Variants in ARAP1 observed in about 807,000 individuals in gnomAD.
ARAP1 encodes arf-GAP with Rho-GAP domain, ANK repeat and PH domain-containing protein 1.
Under a neutral mutation model 172.2 loss-of-function variants are expected in ARAP1, and 76 were observed. The observed-to-expected ratio is 0.44, with a 90% CI of 0.37 to 0.53. ARAP1 has a LOEUF of 0.53. Ranked by LOEUF, ARAP1 falls within the 20% of genes least tolerant of loss-of-function variation. The pLI, the probability that ARAP1 is intolerant of heterozygous loss-of-function variation, is 0.00. For missense variants in ARAP1, 1,686 were observed against 1,977.5 expected, an observed-to-expected ratio of 0.85 and a Z score of 2.80; for synonymous variants, 804 against 803.3, an observed-to-expected ratio of 1.00 and a Z score of -0.01.
At chr11:72,728,974 G>A (rs1202898173) in intron 2 of ARAP1, among the ~76,000 whole-genome samples, 2 of 152,178 alleles carry the variant, frequency 1.3e-5, no homozygotes, top group African/African-American at 4.8e-5. Context: ...CTGGAAGCAG[G>A]GGTGGAGGGC....
At chr11:72,700,554 G>T (rs991768365) in intron 16 of ARAP1, 7 of 152,298 alleles carry the variant, frequency 4.6e-5, no homozygotes, top group Admixed American at 1.3e-4. Flanking sequence ...CATTCTGCAG[G>T]TATTTGCCAA....
chr11:72,712,096 G>C, intron 7 of ARAP1, 100 bp downstream of exon 7: 2 of 1,440,164 alleles, frequency 1.4e-6, no homozygotes, highest in Non-Finnish European at 1.8e-6. Context: ...AGGCCCTTCT[G>C]GTTTTCAGAT....
chr11:72,696,295 G>C (rs991033986), intron 23 of ARAP1, among the ~76,000 whole-genome samples: 1 of 152,232 alleles, frequency 6.6e-6, no homozygotes, highest in Non-Finnish European at 1.5e-5. Context: ...GCAGAGCTCA[G>C]GCAGTAACAC....
chr11:72,701,754 G>C lies in ARAP1; in HGVS notation c.2197C>G (p.Leu733Val). 1 of 1,613,930 alleles carries C rather than the reference G, an allele frequency of 6.2e-7. No homozygotes were observed. The highest frequency in any genetic ancestry group is 8.5e-7 in the Non-Finnish European group (1 of 1,179,854). The change falls in exon 16 of 35, where the codon CTG becomes GTG. Residue 733 changes from leucine to valine, a missense_variant. This residue lies in a region of ARAP1 where 688 missense variants were observed against 856.9 expected (regional missense o/e 0.80). Coordinates refer to ENST00000393609, the MANE Select transcript of ARAP1 (RefSeq NM_001040118.3). ...EVPRLDSMKP[L>V]EKHYSVVLPT... ...AGGACAACTGAGTAGTGCTTTTCCA[G>C]GGGCTTCATCGAGTCCAGCCGAGGC... is the stretch of plus-strand genomic sequence containing the variant.
intron 3 of ARAP1, among the ~76,000 whole-genome samples, chr11:72,718,548 G>A (rs1171299354): frequency 6.6e-6 from 1 of 151,796 alleles, no homozygotes; most frequent in Non-Finnish European, 1.5e-5. Context: ...TCCTCCTCTA[G>A]GCAACCTCCA....
intron 33 of ARAP1, among the ~76,000 whole-genome samples, chr11:72,686,554 C>G (rs1855694067): frequency 6.6e-6 from 1 of 152,118 alleles, no homozygotes; most frequent in South Asian, 2.1e-4. Flanking sequence ...GAACACAGCT[C>G]CAAGAAAGAA....
chr11:72,692,968 C>T (rs1026717987), intron 29 of ARAP1, 183 bp from the exon 30 acceptor site: 12 of 761,498 alleles, frequency 1.6e-5, no homozygotes, highest in African/African-American at 5.2e-5. Flanking sequence ...AAGGGTGGCC[C>T]GGGAGGCATA....
At chr11:72,714,417 G>T in intron 3 of ARAP1, 96 bp from the exon 4 acceptor site, 3 of 1,271,320 alleles carry the variant, frequency 2.4e-6, no homozygotes, top group Non-Finnish European at 1.1e-6. Flanking sequence ...CAAAACTCAG[G>T]CACTACACAA....
Position 72,697,044 on chromosome 11 carries a change from C to T in ARAP1, c.3105G>A (p.Leu1035=), listed in dbSNP as rs1235355708. The part of the protein sequence containing the change: ...DDVSSALKRF[L]RDLPDGLFTR... ...TGAAGAGCCCATCAGGCAGGTCGCG[C>T]AGGAAGCGCTTGAGCGCCGAGGAAA... Residue 1035 remains leucine, a synonymous_variant, in exon 22 of 35, where the codon CTG becomes CTA. Transcript: ENST00000393609. 1 of 1,610,028 alleles carries T rather than the reference C, an allele frequency of 6.2e-7. No individual in the cohort carries two copies. Among genetic ancestry groups the T allele is most frequent in the African/African-American group, 1.3e-5 (1 of 74,940 alleles).
At chr11:72,702,750 T>C (rs1651596249) in intron 15 of ARAP1, among the ~76,000 whole-genome samples, 155 bp downstream of exon 15, 1 of 151,994 alleles carries the variant, frequency 6.6e-6, no homozygotes, top group Non-Finnish European at 1.5e-5. Flanking sequence ...GTAGTACAAA[T>C]ACACACTGAC....
rs1045487344 is a variant in ARAP1 at position 72,726,204 on chromosome 11, G to A, written c.509+416C>T. Among the ~76,000 whole-genome samples, 1 of 151,242 alleles carries A rather than the reference G, an allele frequency of 6.6e-6. No individual in the cohort carries two copies. Among genetic ancestry groups the A allele is most frequent in the Non-Finnish European group, 1.5e-5 (1 of 67,826 alleles). On this transcript the variant is annotated intron_variant, in intron 3 of 34. Coordinates refer to ENST00000393609, the MANE Select transcript of ARAP1 (RefSeq NM_001040118.3). The surrounding 1 kb of genome is among the most constrained non-coding windows in gnomAD (Gnocchi z 6.5). ...GTCCCCTCACCCCCAACCCTACCCC[G>A]CAGCTTTCCGTTTCCTACACATGTT... is the stretch of plus-strand genomic sequence containing the variant.
At chr11:72,701,506 CT>C in intron 16 of ARAP1, 142 bp downstream of exon 16, 2 of 1,189,440 alleles carry the variant, frequency 1.7e-6, no homozygotes, top group Non-Finnish European at 2.3e-6. Flanking sequence ...TAGGAAGTAC[CT>C]ACTGTGTACC....
In ARAP1 at chr11:72,707,184, G is replaced by A. The variant is rs754757435; in HGVS notation, c.1714C>T (p.Arg572Cys). The change falls in exon 12 of 35, where the codon CGC becomes TGC. Residue 572 changes from arginine to cysteine, a missense_variant. Physicochemically the swap from Arg to Cys is radical, Grantham distance 180. Coordinates refer to ENST00000393609, the MANE Select transcript of ARAP1 (RefSeq NM_001040118.3). ...ACCCCCATGCACACACCTGCACAGC[G>A]CTTGCAGATAACAACACAGAGGTTG... ...SINLCVVICK[R>C]CAGEHRGLGA... The A allele has an allele frequency of 2.1e-5, 34 of 1,590,870 alleles. No homozygotes were observed. The highest frequency in any genetic ancestry group is 1.9e-4 in the South Asian group (17 of 87,390).
chr11:72,714,398 G>T, intron 3 of ARAP1, 77 bp from the exon 4 acceptor site: 2 of 1,418,940 alleles, frequency 1.4e-6, no homozygotes, highest in Non-Finnish European at 9.5e-7. Flanking sequence ...CAGCTCACCT[G>T]AACTGCAGCA....
chr11:72,687,657 C>G, intron 32 of ARAP1, 31 bp downstream of exon 32: 1 of 1,614,156 alleles, frequency 6.2e-7, no homozygotes, highest in Non-Finnish European at 8.5e-7. Flanking sequence ...CTTTCCTCAG[C>G]CTGGGATCTC....
At position 72,695,049 on chromosome 11, in the gene ARAP1, G is replaced by A. The variant is rs1458415866; in HGVS notation, c.3625C>T (p.Arg1209Cys). ...TTCTCCCTGATGCCCACGTTCCGGC[G>A]ATCCAGGATCTCCAGGGTGAGCTCC... is the stretch of plus-strand genomic sequence containing the variant. ...AEELTLEILDRRNVGIREKDY... is the reference protein window; with the variant it reads ...AEELTLEILDCRNVGIREKDY... The change falls in exon 27 of 35, where the codon CGC (arginine) becomes TGC (cysteine). Residue 1209 changes from arginine (R) to cysteine (C), a missense_variant. Physicochemically the swap from Arg to Cys is radical, Grantham distance 180. Coordinates refer to ENST00000393609, the MANE Select transcript of ARAP1 (RefSeq NM_001040118.3). This position sits in a 1 kb window ranked among gnomAD's most constrained non-coding sequence, Gnocchi z 4.4. 2.5e-6 allele frequency: 4 copies of A among 1,613,978 alleles called. No homozygotes were observed. Among genetic ancestry groups the A allele is most frequent in the African/African-American group, 1.3e-5 (1 of 74,904 alleles).
chr11:72,735,067 GCCT>G (rs781218423), intron 1 of ARAP1, among the ~76,000 whole-genome samples: 10 of 151,886 alleles, frequency 6.6e-5, no homozygotes, highest in Non-Finnish European at 8.8e-5. Context: ...CGCAACCTCT[GCCT>G]CTTGGGCCCA....
intron 33 of ARAP1, 55 bp from the exon 34 acceptor site, chr11:72,686,246 G>A: frequency 6.4e-7 from 1 of 1,571,806 alleles, no homozygotes. Flanking sequence ...CAGACACTCA[G>A]CCTCAGATCT....
In ARAP1 at chr11:72,685,616, GAAGGC is replaced by G; in HGVS notation, c.*43_*47del. 6.2e-7 allele frequency: 1 copy of G among 1,613,876 alleles called. No individual in the cohort carries two copies. Among genetic ancestry groups the G allele is most frequent in the East Asian group, 2.2e-5 (1 of 44,878 alleles). On this transcript the variant is annotated 3_prime_UTR_variant, in exon 35 of 35. Transcript: ENST00000393609. ...TTGGAGCATAAGGGGTGTCTGAACA[GAAGGC>G]TTCCAGCGGCGGAATCCTAGAGCCA...
Sources: allele counts gnomAD v4.1 joint callset (sites outside exome capture counted in the v4.1 genomes callset), GRCh38; gene constraint gnomAD v4.1.1; regional missense constraint gnomAD v4.1.1; non-coding constraint Gnocchi (gnomAD v3.1); transcripts MANE v1.5; gene names NCBI Gene and HGNC (gene_info 2026-07-23, HGNC 2026-07-21).